Variants in KCNIP1 observed in about 807,000 individuals in gnomAD.
KCNIP1 encodes the protein A-type potassium channel modulatory protein KCNIP1.
KCNIP1 carries 18 observed loss-of-function variants against 33.0 expected under a neutral mutation model. That is an observed-to-expected ratio of 0.55 (90% CI 0.38 to 0.81). The LOEUF (loss-of-function observed/expected upper bound fraction) is 0.81, where lower values mean the gene tolerates loss of function less well. Among genes scored for constraint, KCNIP1 ranks in the 30% least tolerant of loss-of-function variants. KCNIP1 has a pLI of 0.00. For missense variants in KCNIP1, 238 were observed against 271.6 expected, an observed-to-expected ratio of 0.88 and a Z score of 0.87; for synonymous variants, 93 against 98.3, an observed-to-expected ratio of 0.95 and a Z score of 0.32.
rs181201125 is a variant in KCNIP1 at position 170,603,707 on chromosome 5, T to A, written c.61+99074T>A. Among the ~76,000 whole-genome samples the A allele has an allele frequency of 3.4e-3, 519 of 151,236 alleles. 3 individuals carry two copies. Among genetic ancestry groups the A allele is most frequent in the African/African-American group, 0.012 (494 of 41,084 alleles). On this transcript the variant is annotated intron_variant, in intron 1 of 7. Transcript: ENST00000328939. ...AGGGCCACACAAGCAAAGGCAGAGG[T>A]GGGGAGAGAAGAGCCTGCCACACTC...
intron 1 of KCNIP1, among the ~76,000 whole-genome samples, chr5:170,561,575 C>A (rs1757036127): frequency 6.6e-6 from 1 of 152,198 alleles, no homozygotes; most frequent in Admixed American, 6.5e-5. Context: ...CTTGTTTGTG[C>A]CTTGGCCCTT....
chr5:170,478,310 A>T (rs1756901453), intron 1 of KCNIP1, among the ~76,000 whole-genome samples: 1 of 152,248 alleles, frequency 6.6e-6, no homozygotes, highest in South Asian at 2.1e-4. Context: ...ATGGTTAGAA[A>T]GATATCACAG....
At chr5:170,638,373 C>G (rs1012228585) in intron 1 of KCNIP1, among the ~76,000 whole-genome samples, 8 of 152,206 alleles carry the variant, frequency 5.3e-5, no homozygotes, top group African/African-American at 1.9e-4. Context: ...TCAGTCACCT[C>G]TGTATGCCCT....
At chr5:170,676,513 GAA>G (rs1762150783) in intron 1 of KCNIP1, among the ~76,000 whole-genome samples, 1 of 152,164 alleles carries the variant, frequency 6.6e-6, no homozygotes, top group African/African-American at 2.4e-5. Flanking sequence ...ACCTTTTAAA[GAA>G]AAGAAAACTT....
chr5:170,660,424 G>C (rs1387611609), intron 1 of KCNIP1, among the ~76,000 whole-genome samples: 2 of 151,116 alleles, frequency 1.3e-5, no homozygotes, highest in East Asian at 3.9e-4. Context: ...ACAGTGCAGT[G>C]CCAGTCTGGG....
At chr5:170,410,530 CT>C (rs1755158945) in intron 1 of KCNIP1, among the ~76,000 whole-genome samples, 1 of 149,938 alleles carries the variant, frequency 6.7e-6, no homozygotes, top group African/African-American at 2.5e-5. Flanking sequence ...TTTAGCTCAT[CT>C]TCTGTTTTGG....
intron 1 of KCNIP1, among the ~76,000 whole-genome samples, chr5:170,562,555 C>G (rs1159109814): frequency 6.6e-6 from 1 of 152,200 alleles, no homozygotes; most frequent in Admixed American, 6.5e-5. Context: ...GTTCCCAAAG[C>G]TCAGTGGGTC....
At chr5:170,436,664 C>A (rs1755871741) in intron 1 of KCNIP1, among the ~76,000 whole-genome samples, 6 of 152,214 alleles carry the variant, frequency 3.9e-5, no homozygotes, top group Admixed American at 3.9e-4. Flanking sequence ...TGTGTCTGTG[C>A]CCGTGCATGT....
At chr5:170,486,568 C>A (rs1011008313) in intron 1 of KCNIP1, among the ~76,000 whole-genome samples, 1 of 152,316 alleles carries the variant, frequency 6.6e-6, no homozygotes, top group East Asian at 1.9e-4. Flanking sequence ...GTAATGAGTT[C>A]CTGCTGCCAA....
At chr5:170,392,134 G>A (rs775978195) in intron 1 of KCNIP1, among the ~76,000 whole-genome samples, 10 of 152,276 alleles carry the variant, frequency 6.6e-5, no homozygotes, top group Non-Finnish European at 1.0e-4. Context: ...GTAGGAAGCC[G>A]AGGCCCCGTG....
At chr5:170,554,166 T>C (rs1756759572) in intron 1 of KCNIP1, among the ~76,000 whole-genome samples, 2 of 152,096 alleles carry the variant, frequency 1.3e-5, no homozygotes, top group African/African-American at 2.4e-5. Flanking sequence ...AAATCGTGTG[T>C]ATCCCAAAGA....
intron 1 of KCNIP1, among the ~76,000 whole-genome samples, chr5:170,682,770 T>C (rs576542788): frequency 2.2e-4 from 32 of 148,042 alleles, no homozygotes; most frequent in Admixed American, 4.1e-4. Context: ...AACAGCGTCC[T>C]ATTTTCTTTG....
At chr5:170,677,824 A>AG (rs1055457675) in intron 1 of KCNIP1, among the ~76,000 whole-genome samples, 2 of 151,678 alleles carry the variant, frequency 1.3e-5, no homozygotes, top group Non-Finnish European at 2.9e-5. Context: ...AATGGACCTA[A>AG]GGGGAAAAAA....
At chr5:170,380,871 G>C (rs767950318) in intron 1 of KCNIP1, among the ~76,000 whole-genome samples, 26 of 152,178 alleles carry the variant, frequency 1.7e-4, no homozygotes, top group Non-Finnish European at 3.1e-4. Flanking sequence ...CTTGTAAAAT[G>C]GGTTTGTGAG....
intron 1 of KCNIP1, among the ~76,000 whole-genome samples, chr5:170,691,188 C>T (rs1231928588): frequency 6.6e-6 from 1 of 152,184 alleles, no homozygotes; most frequent in Non-Finnish European, 1.5e-5. Flanking sequence ...GGCCCCAAGC[C>T]ATAACCCCTA....
chr5:170,369,303 A>T (rs763636817), intron 1 of KCNIP1, among the ~76,000 whole-genome samples: 10 of 152,204 alleles, frequency 6.6e-5, no homozygotes, highest in Admixed American at 2.6e-4. Context: ...AATGGAATGT[A>T]TGTGTGTAAA....
intron 1 of KCNIP1, among the ~76,000 whole-genome samples, chr5:170,451,723 T>TTGTGTGTGTGTGTGTGTGTGTG (rs67542248): frequency 4.1e-4 from 50 of 122,970 alleles, no homozygotes; most frequent in South Asian, 8.9e-4. Flanking sequence ...TTCTCCTGCA[T>TTGTGTGTGTGTGTGTGTGTGTG]TGTGTGTGTG....
chr5:170,621,376 G>A (rs1269814986), intron 1 of KCNIP1, among the ~76,000 whole-genome samples: 2 of 152,130 alleles, frequency 1.3e-5, no homozygotes, highest in Non-Finnish European at 2.9e-5. Flanking sequence ...CAGTGGAGCA[G>A]ATGCAGCAAG....
chr5:170,462,518 T>C (rs1306454054), intron 1 of KCNIP1, among the ~76,000 whole-genome samples: 2 of 152,202 alleles, frequency 1.3e-5, no homozygotes, highest in African/African-American at 4.8e-5. Flanking sequence ...GGAACACTTC[T>C]ACACTGCTGG....
Sources: allele counts gnomAD v4.1 joint callset (sites outside exome capture counted in the v4.1 genomes callset), GRCh38; gene constraint gnomAD v4.1.1; transcripts MANE v1.5; gene names NCBI Gene and HGNC (gene_info 2026-07-23, HGNC 2026-07-21).